The following CRYL1 variants were observed in gnomAD, a reference collection of about 807,000 sequenced individuals.
The protein encoded by CRYL1 is crystallin lambda 1, also known as lambda-crystallin homolog.
In CRYL1, 29 loss-of-function variants were observed where a neutral mutation model predicts 36.6. The ratio of observed to expected loss-of-function variants is 0.79; its 90% CI spans 0.59 to 1.08. The LOEUF (loss-of-function observed/expected upper bound fraction) is 1.08, where lower values mean the gene tolerates loss of function less well. CRYL1 is among the 50% of genes least tolerant of loss of function. CRYL1 has a pLI of 0.00. For missense variants in CRYL1, 411 were observed against 407.9 expected (o/e 1.01, Z -0.06); for synonymous variants, 152 against 151.5 (o/e 1.00, Z -0.02).
intron 1 of CRYL1, among the ~76,000 whole-genome samples, chr13:20,524,070 G>A (rs35991098): frequency 1.8e-3 from 268 of 152,276 alleles, no homozygotes; most frequent in Admixed American, 3.0e-3. Flanking sequence ...GGGCAAGATG[G>A]TGAGACCCCA....
intron 6 of CRYL1, 118 bp from the exon 7 acceptor site, chr13:20,404,859 CCT>C: frequency 1.4e-6 from 1 of 718,568 alleles, no homozygotes; most frequent in Non-Finnish European, 2.4e-6. Flanking sequence ...TACACTCTTC[CCT>C]CCCTGTGAAG....
chr13:20,471,554 G>A (rs950455869), intron 3 of CRYL1, among the ~76,000 whole-genome samples: 6 of 151,750 alleles, frequency 4.0e-5, no homozygotes, highest in African/African-American at 9.7e-5. Flanking sequence ...TCAGTGAGCC[G>A]AGATCGCACC....
At position 20,435,050 on chromosome 13, in the gene CRYL1, C is replaced by G. The variant is rs1353766630; in HGVS notation, c.439-2754G>C. On this transcript the variant is annotated intron_variant, in intron 4 of 7. Coordinates refer to ENST00000298248, the MANE Select transcript of CRYL1 (RefSeq NM_015974.3). The surrounding 1 kb of genome is among the most constrained non-coding windows in gnomAD (Gnocchi z 4.0). ...GCAGCAGAAAGCTAGGTTCAGGTGC[C>G]GCGGCTGGGGTGGAGCTGTGGAAAG... Among the ~76,000 whole-genome samples the G allele has an allele frequency of 6.6e-6, 1 of 151,990 alleles. No homozygotes were observed. The highest frequency in any genetic ancestry group is 1.5e-5 in the Non-Finnish European group (1 of 67,992).
chr13:20,521,271 G>A (rs1204503123), intron 1 of CRYL1, among the ~76,000 whole-genome samples: 2 of 152,184 alleles, frequency 1.3e-5, no homozygotes, highest in African/African-American at 2.4e-5. Flanking sequence ...AGGGTTGGCA[G>A]TGATGTGCAA....
At chr13:20,524,939 A>G (rs1263155190) in intron 1 of CRYL1, among the ~76,000 whole-genome samples, 4 of 151,464 alleles carry the variant, frequency 2.6e-5, no homozygotes, top group Non-Finnish European at 5.9e-5. Flanking sequence ...TATCAATAGC[A>G]AGTATTAACA....
intron 6 of CRYL1, among the ~76,000 whole-genome samples, chr13:20,410,764 C>T (rs9509203): frequency 0.74 from 113,082 of 152,118 alleles, 42,245 homozygotes; most frequent in Admixed American, 0.83. Context: ...TCAATTCTCA[C>T]ACCACCCTGA....
intron 1 of CRYL1, among the ~76,000 whole-genome samples, chr13:20,524,867 G>A (rs920570018): frequency 3.3e-5 from 5 of 152,036 alleles, no homozygotes; most frequent in Admixed American, 2.0e-4. Flanking sequence ...GTACACTGAT[G>A]GGGGGCGGAG....
At chr13:20,450,653 C>T (rs549231723) in intron 3 of CRYL1, among the ~76,000 whole-genome samples, 146 of 152,202 alleles carry the variant, frequency 9.6e-4, no homozygotes, top group South Asian at 3.7e-3. Context: ...GACAGTGTGG[C>T]GATTCCTCAA....
intron 3 of CRYL1, among the ~76,000 whole-genome samples, chr13:20,460,552 GTC>G (rs1237593902): frequency 5.4e-5 from 6 of 110,712 alleles, no homozygotes; most frequent in African/African-American, 2.2e-4. Flanking sequence ...TTGAGACGGA[GTC>G]TCGCTCTGTC....
At chr13:20,452,644 A>G (rs11620321) in intron 3 of CRYL1, among the ~76,000 whole-genome samples, 38,043 of 152,096 alleles carry the variant, frequency 0.25, 5,346 homozygotes, top group Non-Finnish European at 0.32. Flanking sequence ...GTCAATATAC[A>G]TTTGTCAAAA....
rs139238876 is a variant in CRYL1 at position 20,470,635 on chromosome 13, G to A, written c.276+18735C>T. 2.0e-4 allele frequency among the ~76,000 whole-genome samples: 30 copies of A among 152,206 alleles called. No individual in the cohort carries two copies. In the East Asian group the frequency reaches 3.7e-3, roughly 19 times the overall value. On this transcript the variant is annotated intron_variant, in intron 3 of 7. Transcript: ENST00000298248. ...TATAAAAACCATGACCCGGCCAGGC[G>A]CGGTGGCTCACACCTGTGATCCCAG...
rs11353451 is a variant in CRYL1, at chr13:20,470,910, C to CAAAAAAA, written c.276+18453_276+18459dup. 1.2e-3 allele frequency among the ~76,000 whole-genome samples: 50 copies of CAAAAAAA among 40,876 alleles called. 1 individual carries two copies. Among genetic ancestry groups the CAAAAAAA allele is most frequent in the African/African-American group, 4.3e-3 (49 of 11,476 alleles). 26.8% of individuals were successfully genotyped at this position (40,876 alleles called of 152,430 possible). ...GGGCAAAAAGAGCAAAACTCCATCTCAAAAAAAAAAAAAAAACAAAAAAAA... is the reference window on the plus strand; with the variant it reads ...GGGCAAAAAGAGCAAAACTCCATCTCAAAAAAAAAAAAAAAAAAAAAAACAAAAAAAA... On this transcript the variant is annotated intron_variant, in intron 3 of 7. Coordinates refer to ENST00000298248, the MANE Select transcript of CRYL1 (RefSeq NM_015974.3).
rs1268621645 is a variant in CRYL1 at position 20,525,727 on chromosome 13, G to A, written c.41+27C>T. On this transcript the variant is annotated intron_variant, in intron 1 of 7. Transcript: ENST00000298248. This position sits in a 1 kb window ranked among gnomAD's most constrained non-coding sequence, Gnocchi z 4.3. ...CCCGGCGTCTCCCCGGGCTCCAGGG[G>A]CAGCAGCGCGGCTCGGAGCCCTTTA... 1.5e-6 allele frequency: 2 copies of A among 1,345,866 alleles called. No individual in the cohort carries two copies. Among genetic ancestry groups the A allele is most frequent in the Non-Finnish European group, 1.9e-6 (2 of 1,044,410 alleles). 83.4% of individuals were successfully genotyped at this position (1,345,866 alleles called of 1,614,324 possible).
At chr13:20,467,293 G>A (rs9315606) in intron 3 of CRYL1, among the ~76,000 whole-genome samples, 125,105 of 152,038 alleles carry the variant, frequency 0.82, 51,607 homozygotes, top group Admixed American at 0.87. Flanking sequence ...ACAGTACTAT[G>A]CTATATATTA....
intron 5 of CRYL1, chr13:20,431,234 C>T (rs558781043): frequency 1.7e-4 from 166 of 985,292 alleles, no homozygotes; most frequent in Non-Finnish European, 1.9e-4. Flanking sequence ...AGGCAAGGCT[C>T]GGTGTGTGTC....
chr13:20,429,203 ACTTAGCCT>A (rs1250263424), intron 5 of CRYL1, among the ~76,000 whole-genome samples: 20 of 152,340 alleles, frequency 1.3e-4, no homozygotes, highest in African/African-American at 4.6e-4. Context: ...GCACAAGCCT[ACTTAGCCT>A]CTTCTGTAAA....
At chr13:20,492,824 T>A (rs1043847876) in intron 2 of CRYL1, among the ~76,000 whole-genome samples, 2 of 152,096 alleles carry the variant, frequency 1.3e-5, no homozygotes, top group Non-Finnish European at 2.9e-5. Flanking sequence ...AATTTGCTCC[T>A]GCCAGGCACT....
intron 3 of CRYL1, among the ~76,000 whole-genome samples, chr13:20,468,014 A>G (rs913956194): frequency 6.6e-6 from 1 of 152,104 alleles, no homozygotes; most frequent in African/African-American, 2.4e-5. Context: ...GAATCTTACA[A>G]GCGCCTTATG....
In CRYL1 at chr13:20,415,634, C is replaced by T. The variant is rs138062385; in HGVS notation, c.634-2247G>A. Among the ~76,000 whole-genome samples the T allele has an allele frequency of 1.5e-3, 232 of 152,342 alleles. 1 individual carries two copies. Among genetic ancestry groups the T allele is most frequent in the Non-Finnish European group, 2.8e-3 (190 of 68,026 alleles). On this transcript the variant is annotated intron_variant, in intron 5 of 7. Transcript: ENST00000298248. The surrounding 1 kb of genome is among the most constrained non-coding windows in gnomAD (Gnocchi z 4.1). Reference sequence around the variant, plus strand: ...CACACGGGACACAAGCATATCGAGGCTGAACAAGCCACAGTCCACGTTTCC... The same window carrying T: ...CACACGGGACACAAGCATATCGAGGTTGAACAAGCCACAGTCCACGTTTCC...
Sources: gnomAD v4.1 joint callset for allele counts (sites outside exome capture counted in the v4.1 genomes callset) on GRCh38, gnomAD v4.1.1 for gene constraint, Gnocchi (gnomAD v3.1) non-coding constraint, MANE v1.5 for transcripts, NCBI Gene and HGNC (gene_info 2026-07-23, HGNC 2026-07-21) for gene names.